Variants in MYO3A observed in about 807,000 individuals in gnomAD.
MYO3A encodes the protein myosin-IIIa.
Under a neutral mutation model 192.7 loss-of-function variants are expected in MYO3A, and 180 were observed. That is an observed-to-expected ratio of 0.93 (90% CI 0.83 to 1.06). MYO3A has a LOEUF of 1.06. Among genes scored for constraint, MYO3A ranks in the 50% least tolerant of loss-of-function variants. MYO3A has a pLI of 0.00. For synonymous variants in MYO3A, 628 were observed against 645.3 expected (o/e 0.97, Z 0.41); for missense variants, 1,896 against 1,905.0 (o/e 1.00, Z 0.09).
At chr10:26,046,806 T>G (rs903001572) in intron 10 of MYO3A, among the ~76,000 whole-genome samples, 2 of 152,228 alleles carry the variant, frequency 1.3e-5, no homozygotes, top group Non-Finnish European at 2.9e-5. Context: ...CGTAACATGA[T>G]TCTCTGAAGT....
rs183000828 is a variant in MYO3A, at chr10:25,958,815, G to A, written c.303+3807G>A. Among the ~76,000 whole-genome samples the A allele has an allele frequency of 4.6e-5, 7 of 151,928 alleles. No homozygotes were observed. In the South Asian group the frequency reaches 8.3e-4, roughly 18 times the overall value. ...TGGAGATCTTTCACCTCCCTGGTTAGCTGTATTCCTAGGTATTTTATTCAT... is the reference window on the plus strand; with the variant it reads ...TGGAGATCTTTCACCTCCCTGGTTAACTGTATTCCTAGGTATTTTATTCAT... On this transcript the variant is annotated intron_variant, in intron 4 of 34. Coordinates refer to ENST00000642920, the MANE Select transcript of MYO3A (RefSeq NM_017433.5).
At chr10:26,054,843 G>A (rs72795846) in intron 10 of MYO3A, among the ~76,000 whole-genome samples, 6 of 152,242 alleles carry the variant, frequency 3.9e-5, no homozygotes, top group East Asian at 1.9e-4. Flanking sequence ...CTGATGACAC[G>A]GTGAATTTCC....
intron 26 of MYO3A, 170 bp from the exon 27 acceptor site, chr10:26,165,897 T>C (rs1841717337): frequency 1.4e-6 from 1 of 710,680 alleles, no homozygotes; most frequent in Non-Finnish European, 2.5e-6. Context: ...TTTCCATCAG[T>C]TTGGAATTTG....
intron 10 of MYO3A, among the ~76,000 whole-genome samples, chr10:26,027,600 C>G (rs1029000631): frequency 1.3e-5 from 2 of 152,150 alleles, no homozygotes; most frequent in African/African-American, 4.8e-5. Context: ...CTGCCTCAGC[C>G]TCCCAAAAGA....
intron 15 of MYO3A, among the ~76,000 whole-genome samples, chr10:26,095,017 T>TG (rs1373105202): frequency 6.6e-6 from 1 of 151,984 alleles, no homozygotes; most frequent in Non-Finnish European, 1.5e-5. Flanking sequence ...ATAAAGGCTG[T>TG]GGAGGGGGTG....
At position 25,943,798 on chromosome 10, in the gene MYO3A, G is replaced by GTT. The variant is rs1309646803; in HGVS notation, c.-18+7969_-18+7970insTT. Among the ~76,000 whole-genome samples the GTT allele has an allele frequency of 2.1e-3, 317 of 151,246 alleles. 3 individuals are homozygous for GTT. Among genetic ancestry groups the GTT allele is most frequent in the African/African-American group, 7.4e-3 (307 of 41,356 alleles). On this transcript the variant is annotated intron_variant, in intron 2 of 34. Coordinates refer to ENST00000642920, the MANE Select transcript of MYO3A (RefSeq NM_017433.5). ...TGTGTGTGTGTGTGTGTGTGTGTGT[G>GTT]TGTGTGATTCTTTAGGATTTGGTAC... is the stretch of plus-strand genomic sequence containing the variant.
At chr10:26,092,137 A>T (rs1836738821) in intron 15 of MYO3A, among the ~76,000 whole-genome samples, 1 of 152,104 alleles carries the variant, frequency 6.6e-6, no homozygotes, top group Non-Finnish European at 1.5e-5. Flanking sequence ...GAAAAACTGA[A>T]AGTGTTGTTT....
intron 2 of MYO3A, among the ~76,000 whole-genome samples, chr10:25,945,603 C>T (rs1027206754): frequency 3.3e-5 from 5 of 151,938 alleles, no homozygotes; most frequent in Non-Finnish European, 7.4e-5. Flanking sequence ...TATCATTTTC[C>T]CATTTTCTTC....
Position 26,068,794 on chromosome 10 carries a change from G to A in MYO3A, c.1080G>A (p.Lys360=), listed in dbSNP as rs397517293. Residue 360 remains lysine, a synonymous_variant, in exon 12 of 35, where the codon AAG becomes AAA. Transcript: ENST00000642920. ...DENTVSEQLE[K]CYSRDQIYVY... ...ATACAGTCTCAGAGCAACTTGAGAAGTGTTATTCCAGAGATCAGATCTACG... is the reference window on the plus strand; with the variant it reads ...ATACAGTCTCAGAGCAACTTGAGAAATGTTATTCCAGAGATCAGATCTACG... 1 of 1,591,616 alleles carries A rather than the reference G, an allele frequency of 6.3e-7. No homozygotes were observed. Among genetic ancestry groups the A allele is most frequent in the East Asian group, 2.2e-5 (1 of 44,694 alleles).
Position 26,111,731 on chromosome 10 carries a change from A to G in MYO3A, c.1777-8945A>G, listed in dbSNP as rs183137792. Among the ~76,000 whole-genome samples, 8 of 152,334 alleles carry G rather than the reference A, an allele frequency of 5.3e-5. No homozygotes were observed. The East Asian group carries it at 5.8e-4, about 11-fold the overall frequency. On this transcript the variant is annotated intron_variant, in intron 17 of 34. Transcript: ENST00000642920. ...TCCTCAATCTTTGGTCATAAGATCA[A>G]TGTTGCTAGTGGTAGATGCTCCTTG...
At chr10:26,035,826 T>C (rs1337294906) in intron 10 of MYO3A, among the ~76,000 whole-genome samples, 1 of 152,224 alleles carries the variant, frequency 6.6e-6, no homozygotes, top group African/African-American at 2.4e-5. Flanking sequence ...TTACTCACAA[T>C]GGGCATTTAC....
chr10:26,203,045 T>C lies in MYO3A; in HGVS notation c.4668T>C (p.Pro1556=), dbSNP rs748316210. ...GTTCTGGACCAAAGGAACATAGCCC[T>C]AGTTTAAGAGAACGAAGACCACAGC... ...PSRSGPKEHS[P]SLRERRPQQE... is the part of the protein sequence containing the mutation. Residue 1556 remains proline, a synonymous_variant, in exon 34 of 35, where the codon CCT becomes CCC. Transcript: ENST00000642920. The C allele has an allele frequency of 1.2e-6, 2 of 1,613,780 alleles. No homozygotes were observed. The highest frequency in any genetic ancestry group is 1.7e-6 in the Non-Finnish European group (2 of 1,179,776).
At chr10:26,174,654 T>C (rs1842227951) in intron 30 of MYO3A, 97 bp downstream of exon 30, 1 of 1,046,796 alleles carries the variant, frequency 9.6e-7, no homozygotes, top group Non-Finnish European at 1.4e-6. Context: ...GATTGTTTTA[T>C]CTGCGTTGAT....
chr10:26,158,632 G>A (rs948643669), intron 26 of MYO3A, among the ~76,000 whole-genome samples: 44 of 151,812 alleles, frequency 2.9e-4, no homozygotes, highest in African/African-American at 1.0e-3. Flanking sequence ...TGAGTAATAC[G>A]TTATTAGTAA....
intron 19 of MYO3A, 92 bp downstream of exon 19, chr10:26,125,700 A>T: frequency 5.6e-6 from 6 of 1,079,992 alleles, no homozygotes; most frequent in South Asian, 2.6e-5. Flanking sequence ...CTCTTTCAAG[A>T]TGTTTCTATA....
At chr10:26,027,326 ATCT>A (rs1842600150) in intron 10 of MYO3A, among the ~76,000 whole-genome samples, 2 of 148,840 alleles carry the variant, frequency 1.3e-5, no homozygotes, top group South Asian at 2.2e-4. Context: ...ACCTTTTAAT[ATCT>A]TCTTCTTGTT....
intron 15 of MYO3A, among the ~76,000 whole-genome samples, chr10:26,094,188 G>A (rs1412848154): frequency 2.6e-5 from 4 of 152,128 alleles, no homozygotes; most frequent in Non-Finnish European, 4.4e-5. Flanking sequence ...AACCTTTAAT[G>A]TTATTTTAAA....
chr10:26,157,553 T>C (rs1052929735), intron 26 of MYO3A, 38 bp downstream of exon 26: 2 of 1,582,940 alleles, frequency 1.3e-6, no homozygotes, highest in Non-Finnish European at 1.7e-6. Flanking sequence ...TTGTGCAGTT[T>C]ATATAAAAAT....
At chr10:26,176,916 A>G (rs1233840147) in intron 31 of MYO3A, 71 bp downstream of exon 31, 4 of 1,547,210 alleles carry the variant, frequency 2.6e-6, no homozygotes, top group Non-Finnish European at 3.6e-6. Flanking sequence ...TTAGTTTCCC[A>G]CCATTATTCT....
Sources: gnomAD v4.1 joint callset for allele counts (sites outside exome capture counted in the v4.1 genomes callset) on GRCh38, gnomAD v4.1.1 for gene constraint, MANE v1.5 for transcripts, NCBI Gene and HGNC (gene_info 2026-07-23, HGNC 2026-07-21) for gene names.